The following CUL1 variants were observed in gnomAD, a reference collection of about 807,000 sequenced individuals.
The protein encoded by CUL1 is cullin 1.
CUL1 carries 24 observed loss-of-function variants against 118.0 expected under a neutral mutation model. That is an observed-to-expected ratio of 0.20 (90% CI 0.15 to 0.29). The LOEUF (loss-of-function observed/expected upper bound fraction) is 0.29, where lower values mean the gene tolerates loss of function less well. Among genes scored for constraint, CUL1 ranks in the 10% least tolerant of loss-of-function variants. The probability of loss-of-function intolerance (pLI) is 1.00; values close to 1 mark genes in which losing one functional copy is unlikely to be tolerated. For synonymous variants in CUL1, 332 were observed against 340.4 expected (o/e 0.98, Z 0.27); for missense variants, 361 against 933.8 (o/e 0.39, Z 7.99).
At chr7:148,739,369 A>G (rs528735499) in intron 2 of CUL1, among the ~76,000 whole-genome samples, 7 of 152,328 alleles carry the variant, frequency 4.6e-5, no homozygotes, top group African/African-American at 1.7e-4. Context: ...GCTATATAAG[A>G]TCTGCTTTCA....
At chr7:148,758,988 T>C (rs146127875) in intron 4 of CUL1, among the ~76,000 whole-genome samples, 101 of 152,364 alleles carry the variant, frequency 6.6e-4, no homozygotes, top group Middle Eastern at 3.4e-3. Context: ...CTGCTTGACC[T>C]AAATGTGTAC....
At chr7:148,707,240 G>A (rs538924349) in intron 1 of CUL1, among the ~76,000 whole-genome samples, 2 of 152,216 alleles carry the variant, frequency 1.3e-5, no homozygotes, top group East Asian at 1.9e-4. Context: ...CTCTTGGAAC[G>A]AGCACCTGGA....
Position 148,800,699 on chromosome 7 carries a change from C to G in CUL1, c.*117C>G. 1.4e-6 allele frequency: 1 copy of G among 739,288 alleles called. No individual in the cohort carries two copies. Among genetic ancestry groups the G allele is most frequent in the South Asian group, 1.7e-5 (1 of 57,510 alleles). 45.8% of individuals were successfully genotyped at this position (739,288 alleles called of 1,614,324 possible). ...CGCCATTGGACCTCCCTTTTAAAAA[C>G]TGAGACCAAGACTCCCATCAGCTGG... is the stretch of plus-strand genomic sequence containing the variant. On this transcript the variant is annotated 3_prime_UTR_variant, in exon 22 of 22. Transcript: ENST00000325222. This position sits in a 1 kb window ranked among gnomAD's most constrained non-coding sequence, Gnocchi z 4.6.
intron 2 of CUL1, among the ~76,000 whole-genome samples, chr7:148,749,838 TAAAC>T (rs1056590569): frequency 5.5e-4 from 84 of 152,352 alleles, no homozygotes; most frequent in Middle Eastern, 3.4e-3. Flanking sequence ...CCTCTTGTGC[TAAAC>T]AGTTAGCCAA....
At chr7:148,747,445 A>G (rs1029719556) in intron 2 of CUL1, among the ~76,000 whole-genome samples, 1 of 152,216 alleles carries the variant, frequency 6.6e-6, no homozygotes, top group Admixed American at 6.5e-5. Flanking sequence ...GTGTGGCAGC[A>G]TAAGGACTTG....
At chr7:148,780,085 T>C (rs1435951628) in intron 9 of CUL1, among the ~76,000 whole-genome samples, 4 of 148,788 alleles carry the variant, frequency 2.7e-5, no homozygotes, top group African/African-American at 1.0e-4. Flanking sequence ...ACCTTGTGAT[T>C]GTGTAAGTTA....
chr7:148,785,056 CT>C (rs1800770267), intron 11 of CUL1, among the ~76,000 whole-genome samples: 1 of 152,162 alleles, frequency 6.6e-6, no homozygotes, highest in Non-Finnish European at 1.5e-5. Context: ...ACTATGTGAC[CT>C]TTTTGGTAAA....
chr7:148,767,820 C>T (rs1158256766), intron 9 of CUL1, 71 bp downstream of exon 9: 10 of 1,439,318 alleles, frequency 6.9e-6, no homozygotes, highest in Admixed American at 4.0e-5. Context: ...ATATGTTATG[C>T]GTCTCTACTT....
chr7:148,751,517 AGAGT>A (rs1227018686), intron 2 of CUL1, among the ~76,000 whole-genome samples: 1 of 141,466 alleles, frequency 7.1e-6, no homozygotes, highest in Non-Finnish European at 1.5e-5. Flanking sequence ...CCTGGGAGAC[AGAGT>A]GAGACTCTGT....
intron 1 of CUL1, among the ~76,000 whole-genome samples, chr7:148,725,500 C>T (rs1798549458): frequency 3.3e-5 from 5 of 152,198 alleles, no homozygotes; most frequent in Admixed American, 3.3e-4. Flanking sequence ...GAGTTCCCTG[C>T]CAGGGTGATG....
At chr7:148,783,923 T>TATC (rs755948759) in intron 10 of CUL1, 33 bp downstream of exon 10, 1 of 1,613,256 alleles carries the variant, frequency 6.2e-7, no homozygotes, top group South Asian at 1.1e-5. Flanking sequence ...TTGCCTGTAG[T>TATC]ATGTATGGAT....
chr7:148,699,336 GCGGCCTGGTGGCGC>G (rs1308938380), intron 1 of CUL1, among the ~76,000 whole-genome samples: 3 of 152,086 alleles, frequency 2.0e-5, no homozygotes, highest in African/African-American at 7.2e-5. Flanking sequence ...CCTGGAGGCG[GCGGCCTGGTGGCGC>G]CGGCCCCTTT....
chr7:148,759,225 G>A, intron 4 of CUL1, 79 bp from the exon 5 acceptor site: 1 of 1,346,396 alleles, frequency 7.4e-7, no homozygotes, highest in East Asian at 2.3e-5. Flanking sequence ...AGTAATTTGA[G>A]ATTTAGGTTA....
At chr7:148,767,079 A>G (rs1379192036) in intron 8 of CUL1, among the ~76,000 whole-genome samples, 2 of 152,224 alleles carry the variant, frequency 1.3e-5, no homozygotes, top group Non-Finnish European at 2.9e-5. Flanking sequence ...TTAGGAGCTC[A>G]ATAAAAGATT....
rs1350913287 is a variant in CUL1 at position 148,730,145 on chromosome 7, A to T, written c.23A>T (p.Asn8Ile). The change falls in exon 2 of 22, where the codon AAC becomes ATC. Residue 8 changes from asparagine (N) to isoleucine (I), a missense_variant. Asn to Ile is a moderately radical substitution (Grantham distance 149). Around this residue, in one of 7 missense-constraint regions of CUL1, gnomAD observed 22 missense variants for 20.6 expected, o/e 1.07. Transcript: ENST00000325222. MSSTRSQ[N>I]PHGLKQIGLD... ...ACAATGTCGTCAACCCGGAGCCAGA[A>T]CCCCCACGGCCTGAAGCAGATTGGC... The T allele has an allele frequency of 6.2e-7, 1 of 1,613,498 alleles. No individual in the cohort carries two copies. The highest frequency in any genetic ancestry group is 1.7e-4 in the Middle Eastern group (1 of 6,058).
chr7:148,699,488 G>C (rs1490875258), intron 1 of CUL1, among the ~76,000 whole-genome samples: 3 of 152,098 alleles, frequency 2.0e-5, no homozygotes, highest in Non-Finnish European at 4.4e-5. Context: ...TTGCCCCCTC[G>C]CGCCCACGCT....
chr7:148,753,547 C>T (rs566331246), intron 2 of CUL1, among the ~76,000 whole-genome samples: 22 of 152,296 alleles, frequency 1.4e-4, no homozygotes, highest in African/African-American at 5.3e-4. Flanking sequence ...TGTGTTATTT[C>T]AATATTTAGA....
intron 2 of CUL1, among the ~76,000 whole-genome samples, chr7:148,730,926 C>G (rs1048908387): frequency 1.3e-5 from 2 of 152,206 alleles, no homozygotes; most frequent in African/African-American, 4.8e-5. Context: ...ATCCTCCCAT[C>G]TCAGCCTCCC....
Position 148,799,421 on chromosome 7 carries a change from T to C in CUL1, c.2250+33T>C, listed in dbSNP as rs746571334. The C allele has an allele frequency of 4.9e-5, 69 of 1,400,264 alleles. No homozygotes were observed. In the Admixed American group the frequency reaches 1.2e-3, roughly 25 times the overall value. The allele number at this position is 1,400,264 out of a possible 1,614,324, so 86.7% of individuals were successfully genotyped here. On this transcript the variant is annotated intron_variant, in intron 21 of 21. Transcript: ENST00000325222. ...ACTTTACATAGCAGTCACATTCCTT[T>C]CTTAATTTAGAAGATAAAAGATGTA...
Sources: allele counts gnomAD v4.1 joint callset (sites outside exome capture counted in the v4.1 genomes callset), GRCh38; gene constraint gnomAD v4.1.1; regional missense constraint gnomAD v4.1.1; non-coding constraint Gnocchi (gnomAD v3.1); transcripts MANE v1.5; gene names NCBI Gene and HGNC (gene_info 2026-07-23, HGNC 2026-07-21).